M1AP: variants seen among roughly 807,000 people sequenced by gnomAD.
M1AP encodes meiosis 1 arrest protein.
A neutral mutation model predicts 51.2 loss-of-function variants in M1AP; 39 were observed. The observed-to-expected ratio is 0.76, with a 90% CI of 0.59 to 1.00. The LOEUF is 1.00. Among genes scored for constraint, M1AP ranks in the 50% least tolerant of loss-of-function variants. The pLI, the probability that M1AP is intolerant of heterozygous loss-of-function variation, is 0.00. For synonymous variants in M1AP, 251 were observed against 249.2 expected, an observed-to-expected ratio of 1.01 and a Z score of -0.07; for missense variants, 545 against 641.2, an observed-to-expected ratio of 0.85 and a Z score of 1.62.
intron 4 of M1AP, among the ~76,000 whole-genome samples, chr2:74,605,143 T>G (rs576753488): frequency 1.8e-4 from 28 of 152,280 alleles, no homozygotes; most frequent in Middle Eastern, 3.4e-3. Flanking sequence ...GGTGGAAGTA[T>G]GAATTGGTAT....
At chr2:74,592,798 C>A (rs2104638753) in intron 4 of M1AP, among the ~76,000 whole-genome samples, 1 of 152,036 alleles carries the variant, frequency 6.6e-6, no homozygotes, top group East Asian at 1.9e-4. Flanking sequence ...CATTTGGATC[C>A]CTGGTCCATT....
intron 4 of M1AP, among the ~76,000 whole-genome samples, chr2:74,591,548 T>G (rs1680036987): frequency 6.6e-6 from 1 of 152,090 alleles, no homozygotes; most frequent in Non-Finnish European, 1.5e-5. Flanking sequence ...ATGGGTTATT[T>G]AGGAGAAGTT....
intron 2 of M1AP, among the ~76,000 whole-genome samples, chr2:74,622,047 G>T (rs1379741901): frequency 2.0e-5 from 3 of 151,038 alleles, no homozygotes; most frequent in Non-Finnish European, 4.4e-5. Flanking sequence ...TTAGACCTGG[G>T]AGGCAGAGGA....
intron 7 of M1AP, among the ~76,000 whole-genome samples, chr2:74,562,638 A>T (rs1678104345): frequency 6.6e-6 from 1 of 152,246 alleles, no homozygotes. Flanking sequence ...GAGAGAGTAT[A>T]TAAAAGGGTC....
At chr2:74,590,207 G>T (rs1423021342) in intron 4 of M1AP, among the ~76,000 whole-genome samples, 1 of 152,190 alleles carries the variant, frequency 6.6e-6, no homozygotes, top group Non-Finnish European at 1.5e-5. Context: ...CAAGATCAAG[G>T]TGCTGGCAGA....
At chr2:74,622,792 A>AT (rs1682136680) in intron 2 of M1AP, among the ~76,000 whole-genome samples, 1 of 151,988 alleles carries the variant, frequency 6.6e-6, no homozygotes, top group Admixed American at 6.5e-5. Flanking sequence ...GTAATGTCTA[A>AT]TTTGGGGGTA....
intron 3 of M1AP, among the ~76,000 whole-genome samples, chr2:74,607,727 G>A (rs112381516): frequency 0.061 from 9,239 of 152,132 alleles, 830 homozygotes; most frequent in African/African-American, 0.2. Flanking sequence ...GCCCGCCCCG[G>A]CCTCCCAGAG....
intron 5 of M1AP, 27 bp downstream of exon 5, chr2:74,581,647 C>T: frequency 6.2e-7 from 1 of 1,603,888 alleles, no homozygotes; most frequent in Non-Finnish European, 8.5e-7. Flanking sequence ...ATAATCATAG[C>T]CTAAATATCT....
chr2:74,591,587 G>A (rs1680038803), intron 4 of M1AP, among the ~76,000 whole-genome samples: 1 of 152,130 alleles, frequency 6.6e-6, no homozygotes, highest in South Asian at 2.1e-4. Context: ...GAGTTAGGAA[G>A]GCGTTAAATC....
intron 4 of M1AP, among the ~76,000 whole-genome samples, chr2:74,600,286 T>C (rs1467323064): frequency 6.6e-6 from 1 of 152,220 alleles, no homozygotes; most frequent in Non-Finnish European, 1.5e-5. Flanking sequence ...CAGAAAGTAT[T>C]TGAACAGTAA....
chr2:74,633,219 T>C (rs1682800069), intron 2 of M1AP, among the ~76,000 whole-genome samples: 2 of 152,190 alleles, frequency 1.3e-5, no homozygotes, highest in Non-Finnish European at 2.9e-5. Flanking sequence ...GATGGCTGCA[T>C]CCTTCTTCTG....
intron 2 of M1AP, among the ~76,000 whole-genome samples, chr2:74,633,347 T>C (rs544909409): frequency 9.9e-5 from 15 of 152,278 alleles, no homozygotes; most frequent in African/African-American, 2.9e-4. Flanking sequence ...GCTAAGTCAG[T>C]TTGGCGAGAA....
chr2:74,566,338 T>C (rs1678379595), intron 7 of M1AP, among the ~76,000 whole-genome samples: 1 of 152,068 alleles, frequency 6.6e-6, no homozygotes, highest in Non-Finnish European at 1.5e-5. Context: ...GCAAGAAAGA[T>C]GAATGGGGAT....
Position 74,615,059 on chromosome 2 carries a change from A to T in M1AP, c.331T>A (p.Ser111Thr), listed in dbSNP as rs767012994. ...REGCFRSQGA[S>T]LRLAVEDGLQ... ...CCATCCTCTACTGCCAGCCGCAGAG[A>T]AGCACCTTGTGATCTGAAACACCCT... The change falls in exon 3 of 11, where the codon TCT becomes ACT. Residue 111 changes from serine (S) to threonine (T), a missense_variant. Ser to Thr is a moderately conservative substitution (Grantham distance 58, BLOSUM62 1). Coordinates refer to ENST00000421985, the MANE Select transcript of M1AP (RefSeq NM_001321739.2). 1 of 1,614,168 alleles carries T rather than the reference A, an allele frequency of 6.2e-7. No individual in the cohort carries two copies. Among genetic ancestry groups the T allele is most frequent in the Non-Finnish European group, 8.5e-7 (1 of 1,180,018 alleles).
In M1AP at chr2:74,558,294, TCTTA is replaced by T. The variant is rs1176365392; in HGVS notation, c.*418_*421del. ...CTCTGAAATGAGGCTTGGATTTCAA[TCTTA>T]CTTGTCTTTTATGAGCTTTCAAAAC... On this transcript the variant is annotated 3_prime_UTR_variant, in exon 11 of 11. Coordinates refer to ENST00000421985, the MANE Select transcript of M1AP (RefSeq NM_001321739.2). The T allele has an allele frequency of 1.1e-5, 2 of 176,080 alleles. No individual in the cohort carries two copies. The highest frequency in any genetic ancestry group is 2.4e-5 in the African/African-American group (1 of 41,572). The allele number at this position is 176,080 out of a possible 1,614,324, so 10.9% of individuals were successfully genotyped here.
chr2:74,610,398 T>C (rs1205511513), intron 3 of M1AP, among the ~76,000 whole-genome samples: 1 of 152,180 alleles, frequency 6.6e-6, no homozygotes, highest in African/African-American at 2.4e-5. Context: ...TTGTTGCCTG[T>C]GCTTTTGAGG....
At chr2:74,616,894 C>G (rs891457330) in intron 2 of M1AP, among the ~76,000 whole-genome samples, 1 of 152,106 alleles carries the variant, frequency 6.6e-6, no homozygotes, top group Non-Finnish European at 1.5e-5. Context: ...AATTACTGAT[C>G]GAATGACACA....
chr2:74,617,465 A>G (rs1368070191), intron 2 of M1AP, among the ~76,000 whole-genome samples: 1 of 152,362 alleles, frequency 6.6e-6, no homozygotes, highest in East Asian at 1.9e-4. Flanking sequence ...TATAAGTGCG[A>G]GCTAAATGAT....
chr2:74,640,463 AT>A (rs757761825), intron 1 of M1AP, 136 bp from the exon 2 acceptor site: 84,880 of 504,906 alleles, frequency 0.17, 351 homozygotes, highest in East Asian at 0.31. Context: ...AGGCCATCCT[AT>A]TTTTTTTTTT....
Sources: allele counts gnomAD v4.1 joint callset (sites outside exome capture counted in the v4.1 genomes callset), GRCh38; gene constraint gnomAD v4.1.1; transcripts MANE v1.5; gene names NCBI Gene and HGNC (gene_info 2026-07-23, HGNC 2026-07-21).